Variants in PRKCE observed in about 807,000 individuals in gnomAD.
PRKCE encodes protein kinase C epsilon.
A neutral mutation model predicts 85.4 loss-of-function variants in PRKCE; 16 were observed. That is an observed-to-expected ratio of 0.19 (90% CI 0.13 to 0.28). The LOEUF (loss-of-function observed/expected upper bound fraction) is 0.28. Among genes scored for constraint, PRKCE ranks in the 10% least tolerant of loss-of-function variants. The pLI is 1.00. For synonymous variants in PRKCE, 388 were observed against 371.5 expected, an observed-to-expected ratio of 1.04 and a Z score of -0.51; for missense variants, 573 against 975.2, an observed-to-expected ratio of 0.59 and a Z score of 5.49.
At chr2:45,943,986 T>C (rs1700063110) in intron 2 of PRKCE, among the ~76,000 whole-genome samples, 1 of 152,202 alleles carries the variant, frequency 6.6e-6, no homozygotes, top group Non-Finnish European at 1.5e-5. Context: ...CATTGAGCTG[T>C]GATGTGATTC....
chr2:45,687,974 T>C (rs1677432676), intron 1 of PRKCE, among the ~76,000 whole-genome samples: 1 of 152,212 alleles, frequency 6.6e-6, no homozygotes, highest in Non-Finnish European at 1.5e-5. Context: ...GTTGGAGCGT[T>C]AGCACCCAGA....
chr2:45,829,648 A>C (rs554855241), intron 1 of PRKCE, among the ~76,000 whole-genome samples: 1 of 152,350 alleles, frequency 6.6e-6, no homozygotes, highest in South Asian at 2.1e-4. Flanking sequence ...GCTTCTCTGC[A>C]GGACCCTAAA....
At chr2:45,829,560 G>C (rs1389347293) in intron 1 of PRKCE, among the ~76,000 whole-genome samples, 1 of 152,198 alleles carries the variant, frequency 6.6e-6, no homozygotes, top group African/African-American at 2.4e-5. Context: ...TGGGGTGGCA[G>C]CTAATGAAGC....
intron 1 of PRKCE, among the ~76,000 whole-genome samples, chr2:45,817,420 G>A (rs772084257): frequency 3.9e-5 from 6 of 152,242 alleles, no homozygotes; most frequent in Middle Eastern, 3.4e-3. Context: ...CCGGCTGGGC[G>A]CGGTGGCTCA....
chr2:45,835,636 G>A (rs1434149713), intron 1 of PRKCE, among the ~76,000 whole-genome samples: 1 of 150,036 alleles, frequency 6.7e-6, no homozygotes, highest in South Asian at 2.1e-4. Context: ...TCTCACCTAG[G>A]CTGGAGTGCA....
intron 1 of PRKCE, among the ~76,000 whole-genome samples, chr2:45,811,575 C>T (rs1291061399): frequency 1.3e-5 from 2 of 152,214 alleles, no homozygotes; most frequent in African/African-American, 4.8e-5. Context: ...GTACCATGTT[C>T]ATGTTACCTA....
intron 1 of PRKCE, among the ~76,000 whole-genome samples, chr2:45,716,597 AAGG>A (rs1680114070): frequency 6.6e-6 from 1 of 150,716 alleles, no homozygotes; most frequent in Non-Finnish European, 1.5e-5. Context: ...GGAAGGAAGG[AAGG>A]AGAGGGAGAA....
chr2:45,691,029 G>A (rs760349545), intron 1 of PRKCE, among the ~76,000 whole-genome samples: 8 of 152,156 alleles, frequency 5.3e-5, no homozygotes, highest in African/African-American at 9.7e-5. Context: ...CCTGAACTTC[G>A]CTGGATTTCT....
intron 6 of PRKCE, among the ~76,000 whole-genome samples, chr2:45,989,077 A>C (rs1237556477): frequency 6.6e-6 from 1 of 152,172 alleles, no homozygotes; most frequent in Non-Finnish European, 1.5e-5. Context: ...CCAAGGGGCA[A>C]CTTCACAGGA....
At chr2:45,768,814 T>A (rs1685103466) in intron 1 of PRKCE, among the ~76,000 whole-genome samples, 2 of 152,272 alleles carry the variant, frequency 1.3e-5, no homozygotes, top group Admixed American at 1.3e-4. Context: ...ATTTTACATC[T>A]ATCTGTTGGC....
At chr2:46,143,031 A>C in intron 11 of PRKCE, among the ~76,000 whole-genome samples, 1 of 152,206 alleles carries the variant, frequency 6.6e-6, no homozygotes, top group East Asian at 1.9e-4. Flanking sequence ...AGCGCAGCAC[A>C]CAGGGATAAG....
At chr2:46,015,691 C>CAAAAAAAAAAAAAAAAAAAAAA (rs749060776) in intron 10 of PRKCE, among the ~76,000 whole-genome samples, 14 of 80,780 alleles carry the variant, frequency 1.7e-4, no homozygotes, top group Non-Finnish European at 2.0e-4. Flanking sequence ...AACACTAAAC[C>CAAAAAAAAAAAAAAAAAAAAAA]AAAAAAAAAA....
chr2:45,962,666 C>T (rs898656716), intron 2 of PRKCE, among the ~76,000 whole-genome samples: 1 of 152,106 alleles, frequency 6.6e-6, no homozygotes, highest in African/African-American at 2.4e-5. Flanking sequence ...GAAGACAGCT[C>T]CGGGGGAGAG....
At position 46,032,490 on chromosome 2, in the gene PRKCE, C is replaced by T. The variant is rs375228908; in HGVS notation, c.1437+21973C>T. ...ATTATGGTCAGGCCACCTCTTTACC[C>T]CCAGCCTTCCAAAACCTTCCCGCTG... On this transcript the variant is annotated intron_variant, in intron 10 of 14. Coordinates refer to ENST00000306156, the MANE Select transcript of PRKCE (RefSeq NM_005400.3). 9.8e-4 allele frequency among the ~76,000 whole-genome samples: 149 copies of T among 152,334 alleles called. 3 individuals carry two copies. The highest frequency in any genetic ancestry group is 3.4e-3 in the African/African-American group (141 of 41,584).
At chr2:45,970,322 T>C (rs1386136608) in intron 2 of PRKCE, among the ~76,000 whole-genome samples, 4 of 152,220 alleles carry the variant, frequency 2.6e-5, no homozygotes, top group African/African-American at 9.6e-5. Context: ...TTATAGTCAG[T>C]ATCTTATGAA....
chr2:45,857,176 T>C (rs1692746566), intron 2 of PRKCE, among the ~76,000 whole-genome samples: 1 of 152,238 alleles, frequency 6.6e-6, no homozygotes, highest in South Asian at 2.1e-4. Context: ...GCTAGGTTTG[T>C]AGGCAGCTGG....
chr2:45,988,995 C>G (rs1703576208), intron 6 of PRKCE, among the ~76,000 whole-genome samples: 1 of 152,158 alleles, frequency 6.6e-6, no homozygotes, highest in South Asian at 2.1e-4. Flanking sequence ...TAGAGAAGAT[C>G]CAGTTCTCAC....
chr2:45,800,274 T>C (rs1424069672), intron 1 of PRKCE, among the ~76,000 whole-genome samples: 2 of 152,232 alleles, frequency 1.3e-5, no homozygotes, highest in African/African-American at 2.4e-5. Flanking sequence ...AAGAAAGGAC[T>C]GAACGGGAAA....
intron 1 of PRKCE, among the ~76,000 whole-genome samples, chr2:45,695,884 C>G (rs1347510993): frequency 1.3e-5 from 2 of 152,252 alleles, no homozygotes; most frequent in African/African-American, 2.4e-5. Context: ...GTCAGGCTGA[C>G]AAGAGTTTAT....
Sources: gnomAD v4.1 joint callset for allele counts (sites outside exome capture counted in the v4.1 genomes callset) on GRCh38, gnomAD v4.1.1 for gene constraint, MANE v1.5 for transcripts, NCBI Gene and HGNC (gene_info 2026-07-23, HGNC 2026-07-21) for gene names.